TTC28: variants seen among roughly 807,000 people sequenced by gnomAD.
The protein encoded by TTC28 is tetratricopeptide repeat protein 28.
A neutral mutation model predicts 198.0 loss-of-function variants in TTC28; 61 were observed. The ratio of observed to expected loss-of-function variants is 0.31; its 90% CI spans 0.25 to 0.38. The LOEUF (loss-of-function observed/expected upper bound fraction) is 0.38, where lower values mean the gene tolerates loss of function less well. Ranked by LOEUF, TTC28 falls within the 10% of genes least tolerant of loss-of-function variation. The probability of loss-of-function intolerance (pLI) is 1.00; values close to 1 mark genes in which losing one functional copy is unlikely to be tolerated. For synonymous variants in TTC28, 1,171 were observed against 1,297.8 expected (o/e 0.90, Z 2.10); for missense variants, 2,678 against 3,164.0 (o/e 0.85, Z 3.69).
At chr22:28,250,986 T>C (rs141434146) in intron 5 of TTC28, among the ~76,000 whole-genome samples, 227 of 152,312 alleles carry the variant, frequency 1.5e-3, no homozygotes, top group African/African-American at 5.2e-3. Context: ...CCGAGAGTTA[T>C]ATAATTTTCA....
At chr22:28,283,321 C>T (rs2044619730) in intron 5 of TTC28, among the ~76,000 whole-genome samples, 1 of 118,124 alleles carries the variant, frequency 8.5e-6, no homozygotes, top group African/African-American at 2.7e-5. Context: ...CATTCTTTCT[C>T]TCTTACACAC....
Position 28,490,850 on chromosome 22 carries a change from C to T in TTC28, c.381+138702G>A, listed in dbSNP as rs565255628. Among the ~76,000 whole-genome samples the T allele has an allele frequency of 2.0e-5, 3 of 152,188 alleles. No homozygotes were observed. The East Asian group carries it at 5.8e-4, about 29-fold the overall frequency. On this transcript the variant is annotated intron_variant, in intron 2 of 22. Transcript: ENST00000397906. ...GTCAGAGAAAAAATGGCTGATATTC[C>T]ACAATAGATAGAAGTCAAATAAAAA...
chr22:28,105,393 T>C lies in TTC28; in HGVS notation c.3193A>G (p.Ser1065Gly). The change falls in exon 8 of 23, where the codon AGC becomes GGC. Residue 1065 changes from serine (S) to glycine (G), a missense_variant. By Grantham distance (56) the Ser-to-Gly change is moderately conservative. This residue lies in a region of TTC28 where 727 missense variants were observed against 861.9 expected (regional missense o/e 0.84). Transcript: ENST00000397906. The stretch of plus-strand genomic sequence containing the variant: ...AAGTCATTCATCTGTGCAGCAATGC[T>C]CAAGTGCTGTTCTTGATAGACCACA... ...RAVVYQEQHL[S>G]IAAQMNDLAA... is the part of the protein sequence containing the mutation. The C allele has an allele frequency of 6.4e-7, 1 of 1,551,698 alleles. No individual in the cohort carries two copies. The highest frequency in any genetic ancestry group is 8.7e-7 in the Non-Finnish European group (1 of 1,146,994).
At chr22:28,082,370 T>A (rs949845477) in intron 12 of TTC28, among the ~76,000 whole-genome samples, 7 of 152,214 alleles carry the variant, frequency 4.6e-5, no homozygotes. Flanking sequence ...CTCATTAGTA[T>A]GATGTTAGCT....
chr22:28,086,395 A>C (rs1399168906), intron 12 of TTC28, among the ~76,000 whole-genome samples: 1 of 152,172 alleles, frequency 6.6e-6, no homozygotes, highest in East Asian at 1.9e-4. Flanking sequence ...AAACTGAACA[A>C]CCTGCTCCTG....
chr22:28,446,518 G>A (rs1054232851), intron 2 of TTC28, among the ~76,000 whole-genome samples: 4 of 152,056 alleles, frequency 2.6e-5, no homozygotes, highest in African/African-American at 4.8e-5. Flanking sequence ...GTCCTCACTC[G>A]GAGTTCACTT....
intron 2 of TTC28, among the ~76,000 whole-genome samples, chr22:28,323,698 T>C (rs1243933155): frequency 6.6e-6 from 1 of 152,032 alleles, no homozygotes; most frequent in Non-Finnish European, 1.5e-5. Flanking sequence ...GGGTGGAAAA[T>C]TTATTCAAAG....
intron 12 of TTC28, among the ~76,000 whole-genome samples, chr22:28,076,951 T>C (rs1601592683): frequency 6.6e-6 from 1 of 152,192 alleles, no homozygotes; most frequent in African/African-American, 2.4e-5. Context: ...ATTGCATCTA[T>C]CTGTATTCTG....
chr22:28,600,715 T>G (rs1344163268), intron 2 of TTC28, among the ~76,000 whole-genome samples: 1 of 152,094 alleles, frequency 6.6e-6, no homozygotes, highest in Non-Finnish European at 1.5e-5. Flanking sequence ...TAGAATAATC[T>G]TAACTATAAA....
intron 2 of TTC28, among the ~76,000 whole-genome samples, chr22:28,342,215 CTAAT>C (rs1467462901): frequency 2.0e-5 from 3 of 152,042 alleles, no homozygotes; most frequent in African/African-American, 7.2e-5. Flanking sequence ...AAACAAAAAG[CTAAT>C]ATTACTTTAA....
At chr22:28,672,296 T>C (rs897288086) in intron 1 of TTC28, among the ~76,000 whole-genome samples, 2 of 151,982 alleles carry the variant, frequency 1.3e-5, no homozygotes, top group Non-Finnish European at 2.9e-5. Context: ...GCCTCTGGAG[T>C]AGCTGGGATT....
intron 2 of TTC28, among the ~76,000 whole-genome samples, chr22:28,371,862 G>T (rs1440095052): frequency 7.2e-6 from 1 of 138,118 alleles, no homozygotes; most frequent in African/African-American, 2.7e-5. Flanking sequence ...TTACAGGCGT[G>T]AGCCACTGCA....
chr22:28,613,281 A>T (rs902933402), intron 2 of TTC28, among the ~76,000 whole-genome samples: 4 of 152,206 alleles, frequency 2.6e-5, no homozygotes, highest in African/African-American at 9.6e-5. Context: ...GACCAATAAC[A>T]AGTTCTGAAA....
At chr22:28,427,751 T>C (rs150407137) in intron 2 of TTC28, among the ~76,000 whole-genome samples, 1 of 151,772 alleles carries the variant, frequency 6.6e-6, no homozygotes, top group African/African-American at 2.4e-5. Context: ...ATTCCCCAAA[T>C]ACAAATGTTT....
chr22:28,536,501 G>C (rs2049282346), intron 2 of TTC28, among the ~76,000 whole-genome samples: 1 of 151,848 alleles, frequency 6.6e-6, no homozygotes, highest in African/African-American at 2.4e-5. Flanking sequence ...GCAGGCGCCT[G>C]TAGTCCCGGC....
intron 2 of TTC28, among the ~76,000 whole-genome samples, chr22:28,318,198 C>T (rs929450889): frequency 2.6e-5 from 4 of 151,964 alleles, no homozygotes; most frequent in Non-Finnish European, 5.9e-5. Flanking sequence ...GCATGAGCCA[C>T]TGCCCCGGCC....
chr22:28,138,266 G>A (rs1283796854), intron 6 of TTC28, among the ~76,000 whole-genome samples: 6 of 152,086 alleles, frequency 3.9e-5, no homozygotes, highest in Admixed American at 3.3e-4. Context: ...AGATACTGTC[G>A]AAAGCTGTTA....
At chr22:28,485,265 A>T (rs918002314) in intron 2 of TTC28, among the ~76,000 whole-genome samples, 3 of 152,344 alleles carry the variant, frequency 2.0e-5, no homozygotes, top group Non-Finnish European at 4.4e-5. Context: ...CAGCCGAATC[A>T]AGCCATTTCA....
At chr22:28,571,965 AAAAC>A (rs1205026705) in intron 2 of TTC28, among the ~76,000 whole-genome samples, 13 of 151,390 alleles carry the variant, frequency 8.6e-5, no homozygotes, top group African/African-American at 2.7e-4. Context: ...AAAAAAAAAA[AAAAC>A]AAACAAAAAA....
Sources: gnomAD v4.1 joint callset for allele counts (sites outside exome capture counted in the v4.1 genomes callset) on GRCh38, gnomAD v4.1.1 for gene constraint, gnomAD v4.1.1 regional missense constraint, MANE v1.5 for transcripts, NCBI Gene and HGNC (gene_info 2026-07-23, HGNC 2026-07-21) for gene names.